MEIS1: variants seen among roughly 807,000 people sequenced by gnomAD.
The protein encoded by MEIS1 is homeobox protein Meis1.
A neutral mutation model predicts 50.8 loss-of-function variants in MEIS1; 5 were observed. The ratio of observed to expected loss-of-function variants is 0.10; its 90% CI spans 0.05 to 0.21. The LOEUF is 0.21. MEIS1 is among the 10% of genes least tolerant of loss of function. The pLI is 1.00. For synonymous variants in MEIS1, 176 were observed against 179.3 expected, an observed-to-expected ratio of 0.98 and a Z score of 0.15; for missense variants, 318 against 517.3, an observed-to-expected ratio of 0.61 and a Z score of 3.74.
chr2:66,493,455 T>G (rs1286818402), intron 7 of MEIS1, among the ~76,000 whole-genome samples: 5 of 152,228 alleles, frequency 3.3e-5, no homozygotes, highest in African/African-American at 1.2e-4. Flanking sequence ...GACTGAGGAA[T>G]TTAAGACTCA....
chr2:66,564,103 T>G (rs2103967130), intron 9 of MEIS1, among the ~76,000 whole-genome samples: 1 of 152,320 alleles, frequency 6.6e-6, no homozygotes, highest in South Asian at 2.1e-4. Flanking sequence ...ATATTGAATT[T>G]TTTAAATTAA....
chr2:66,493,450 A>G (rs926902503), intron 7 of MEIS1, among the ~76,000 whole-genome samples: 1 of 152,152 alleles, frequency 6.6e-6, no homozygotes, highest in Non-Finnish European at 1.5e-5. Context: ...TTAAGGACTG[A>G]GGAATTTAAG....
chr2:66,473,397 A>AAAAAAAATATATATATATATATAT, intron 7 of MEIS1, among the ~76,000 whole-genome samples: 6 of 107,588 alleles, frequency 5.6e-5, no homozygotes, highest in African/African-American at 3.5e-4. Context: ...AAAAAAAAAA[A>AAAAAAAATATATATATATATATAT]ATATATATAT....
At chr2:66,509,755 C>G (rs1673778654) in intron 7 of MEIS1, among the ~76,000 whole-genome samples, 1 of 152,164 alleles carries the variant, frequency 6.6e-6, no homozygotes, top group Non-Finnish European at 1.5e-5. Flanking sequence ...TTCAGGTGCC[C>G]TCAAGGCACG....
At chr2:66,569,719 A>G (rs1675437439) in intron 12 of MEIS1, 2 of 152,748 alleles carry the variant, frequency 1.3e-5, no homozygotes, top group Admixed American at 1.3e-4. Flanking sequence ...TGGCAATGGG[A>G]AAAGGGAGAA....
At chr2:66,445,627 C>G (rs1016115977) in intron 6 of MEIS1, among the ~76,000 whole-genome samples, 1 of 152,144 alleles carries the variant, frequency 6.6e-6, no homozygotes. Context: ...GCTCATTAAC[C>G]CCTCTGTCTC....
intron 5 of MEIS1, 27 bp downstream of exon 5, chr2:66,441,491 T>C: frequency 6.6e-7 from 1 of 1,521,700 alleles, no homozygotes. Flanking sequence ...CTTTTCCTTT[T>C]ACTTACCCCT....
At chr2:66,526,383 C>T (rs1462270442) in intron 8 of MEIS1, among the ~76,000 whole-genome samples, 1 of 152,222 alleles carries the variant, frequency 6.6e-6, no homozygotes, top group Non-Finnish European at 1.5e-5. Flanking sequence ...TTGTGCAAGT[C>T]ACCCATGGCA....
chr2:66,470,735 A>G (rs1672744212), intron 7 of MEIS1, among the ~76,000 whole-genome samples: 1 of 152,226 alleles, frequency 6.6e-6, no homozygotes, highest in Non-Finnish European at 1.5e-5. Flanking sequence ...GAAATTATTT[A>G]CAGCCGAGTA....
At chr2:66,506,466 G>A (rs922517056) in intron 7 of MEIS1, among the ~76,000 whole-genome samples, 1 of 152,150 alleles carries the variant, frequency 6.6e-6, no homozygotes, top group Admixed American at 6.5e-5. Context: ...CGGAGGTGGA[G>A]CTGTGAGTGC....
chr2:66,531,333 T>C (rs959526394), intron 8 of MEIS1, among the ~76,000 whole-genome samples: 1 of 152,202 alleles, frequency 6.6e-6, no homozygotes, highest in Non-Finnish European at 1.5e-5. Context: ...CAAAGAACAG[T>C]TAGCTCAGTG....
Position 66,517,442 on chromosome 2 carries a change from A to T in MEIS1, c.888+5148A>T, listed in dbSNP as rs139818893. Among the ~76,000 whole-genome samples the T allele has an allele frequency of 2.9e-3, 437 of 152,244 alleles. 3 individuals carry two copies. The highest frequency in any genetic ancestry group is 0.011 in the South Asian group (52 of 4,816). The stretch of plus-strand genomic sequence containing the variant: ...TTTTTTTCCTTGCAGATGTCCATGT[A>T]CCCTATCAAAAATTAGCTCTTTTAC... On this transcript the variant is annotated intron_variant, in intron 8 of 12. Transcript: ENST00000272369.
intron 6 of MEIS1, among the ~76,000 whole-genome samples, chr2:66,453,370 A>G (rs1672317452): frequency 6.6e-6 from 1 of 151,968 alleles, no homozygotes; most frequent in Non-Finnish European, 1.5e-5. Flanking sequence ...GAATTCCTTA[A>G]AAAGTGCACA....
At chr2:66,547,427 T>A (rs964669773) in intron 8 of MEIS1, among the ~76,000 whole-genome samples, 1 of 152,002 alleles carries the variant, frequency 6.6e-6, no homozygotes, top group Admixed American at 6.6e-5. Context: ...AAATGAATAG[T>A]GTATGTGTGT....
intron 1 of MEIS1, among the ~76,000 whole-genome samples, chr2:66,436,714 TAAG>T (rs1306589368): frequency 1.3e-5 from 2 of 152,224 alleles, no homozygotes; most frequent in African/African-American, 4.8e-5. Context: ...CCTCTGGCTT[TAAG>T]GAGATGAAAG....
intron 6 of MEIS1, among the ~76,000 whole-genome samples, chr2:66,447,031 A>T (rs774166424): frequency 6.6e-5 from 10 of 152,198 alleles, no homozygotes; most frequent in Non-Finnish European, 1.3e-4. Context: ...CTTGCAAGGG[A>T]GATTTAAGCT....
intron 7 of MEIS1, among the ~76,000 whole-genome samples, chr2:66,473,414 A>ATATG (rs1672817109): frequency 7.0e-6 from 1 of 142,626 alleles, no homozygotes; most frequent in African/African-American, 2.7e-5. Flanking sequence ...ATATATATAT[A>ATATG]TATAGTAATA....
intron 7 of MEIS1, among the ~76,000 whole-genome samples, chr2:66,473,026 G>A (rs1345320131): frequency 6.6e-6 from 1 of 152,080 alleles, no homozygotes; most frequent in Non-Finnish European, 1.5e-5. Flanking sequence ...AGGACTACAA[G>A]GGCAGTGAAT....
intron 6 of MEIS1, 60 bp from the exon 7 acceptor site, chr2:66,464,049 T>G: frequency 8.2e-7 from 1 of 1,226,448 alleles, no homozygotes; most frequent in Non-Finnish European, 1.2e-6. Flanking sequence ...TGCCATGGGA[T>G]CCTACCAATA....
Sources: allele counts gnomAD v4.1 joint callset (sites outside exome capture counted in the v4.1 genomes callset), GRCh38; gene constraint gnomAD v4.1.1; transcripts MANE v1.5; gene names NCBI Gene and HGNC (gene_info 2026-07-23, HGNC 2026-07-21).